SPON1: variants seen among roughly 807,000 people sequenced by gnomAD.
SPON1 encodes the protein spondin-1.
A neutral mutation model predicts 111.7 loss-of-function variants in SPON1; 52 were observed. The ratio of observed to expected loss-of-function variants is 0.47; its 90% CI spans 0.37 to 0.59. The LOEUF is 0.59. Among genes scored for constraint, SPON1 ranks in the 20% least tolerant of loss-of-function variants. The probability of loss-of-function intolerance (pLI) is 0.00; values close to 1 mark genes in which losing one functional copy is unlikely to be tolerated. For missense variants in SPON1, 957 were observed against 1,068.5 expected (o/e 0.90, Z 1.46); for synonymous variants, 410 against 395.8 (o/e 1.04, Z -0.43).
At chr11:14,010,526 G>T (rs1848395937) in intron 2 of SPON1, among the ~76,000 whole-genome samples, 2 of 152,130 alleles carry the variant, frequency 1.3e-5, no homozygotes, top group East Asian at 1.9e-4. Context: ...GAATCAGGAA[G>T]GTTTAGATTT....
rs199972190 is a variant in SPON1, at chr11:14,008,138, T to TAAAAC, written c.345+25187_345+25188insAACAA. 5.3e-3 allele frequency among the ~76,000 whole-genome samples: 802 copies of TAAAAC among 152,282 alleles called. 9 individuals are homozygous for TAAAAC. The highest frequency in any genetic ancestry group is 0.018 in the African/African-American group (741 of 41,556). ...TATTGGAAAAATAAAAATTAAAAATTAATACAGATTTTAAAAATACAGTAT... is the reference window on the plus strand; with the variant it reads ...TATTGGAAAAATAAAAATTAAAAATTAAAACAATACAGATTTTAAAAATACAGTAT... On this transcript the variant is annotated intron_variant, in intron 2 of 15. Transcript: ENST00000576479.
intron 5 of SPON1, among the ~76,000 whole-genome samples, chr11:14,133,472 A>G (rs1462360206): frequency 3.9e-5 from 6 of 152,228 alleles, no homozygotes; most frequent in African/African-American, 1.4e-4. Context: ...AGTATTTTAT[A>G]AAGGAGGAAT....
At chr11:14,074,573 T>G (rs1242705151) in intron 3 of SPON1, among the ~76,000 whole-genome samples, 4 of 152,234 alleles carry the variant, frequency 2.6e-5, no homozygotes, top group Non-Finnish European at 4.4e-5. Flanking sequence ...TCGCATTGTC[T>G]CAGTTCTAAA....
intron 5 of SPON1, among the ~76,000 whole-genome samples, chr11:14,090,336 T>C (rs75761546): frequency 6.6e-6 from 1 of 151,910 alleles, no homozygotes; most frequent in Admixed American, 6.6e-5. Flanking sequence ...GCAAAAACTA[T>C]GGGAAAAGCG....
intron 6 of SPON1, among the ~76,000 whole-genome samples, chr11:14,178,540 C>CT (rs1848205481): frequency 1.3e-5 from 2 of 152,108 alleles, no homozygotes; most frequent in African/African-American, 4.8e-5. Flanking sequence ...ATCAGCCTGC[C>CT]TTTTTTTATT....
At chr11:14,024,081 G>A (rs1554915039) in intron 2 of SPON1, among the ~76,000 whole-genome samples, 2 of 151,932 alleles carry the variant, frequency 1.3e-5, no homozygotes, top group Non-Finnish European at 2.9e-5. Context: ...GGTATGGCTT[G>A]GCTGCTTCAG....
intron 1 of SPON1, among the ~76,000 whole-genome samples, chr11:13,974,553 T>G (rs1216504902): frequency 6.6e-6 from 1 of 152,166 alleles, no homozygotes; most frequent in African/African-American, 2.4e-5. Flanking sequence ...GGTAATTAGG[T>G]AGGGTAAGTG....
In SPON1 at chr11:14,259,396, G is replaced by A. The variant is rs782639413; in HGVS notation, c.1609G>A (p.Val537Met). The A allele has an allele frequency of 4.3e-6, 7 of 1,611,158 alleles. No homozygotes were observed. Among genetic ancestry groups the A allele is most frequent in the East Asian group, 4.5e-5 (2 of 44,820 alleles). Residue 537 changes from valine (V) to methionine (M), a missense_variant, in exon 12 of 16, where the codon GTG becomes ATG. Val to Met is a conservative substitution (Grantham distance 21). Transcript: ENST00000576479. This position sits in a 1 kb window ranked among gnomAD's most constrained non-coding sequence, Gnocchi z 5.0. ...GAAGCAGTTCCCGGAGGACGGCTCC[G>A]TGTGCACGCTGCCCACTGAGGAAAC... is the stretch of plus-strand genomic sequence containing the variant. ...YVKQFPEDGS[V>M]CTLPTEETEK...
intron 6 of SPON1, among the ~76,000 whole-genome samples, chr11:14,196,151 T>C (rs941571283): frequency 2.6e-5 from 4 of 152,200 alleles, no homozygotes; most frequent in Non-Finnish European, 5.9e-5. Flanking sequence ...GGATAGGCGA[T>C]GTGTCCTCTA....
chr11:13,990,592 G>A (rs1224718529), intron 2 of SPON1, among the ~76,000 whole-genome samples: 1 of 151,666 alleles, frequency 6.6e-6, no homozygotes, highest in Non-Finnish European at 1.5e-5. Context: ...ATATTATTAT[G>A]TGTCAATTTG....
intron 2 of SPON1, among the ~76,000 whole-genome samples, chr11:13,999,915 GAAGT>G (rs1848303234): frequency 6.6e-6 from 1 of 152,124 alleles, no homozygotes; most frequent in Non-Finnish European, 1.5e-5. Flanking sequence ...TTGGCTGGAG[GAAGT>G]AAGTTTGGCT....
In SPON1 at chr11:14,107,590, G is replaced by GAA. The variant is rs3047369; in HGVS notation, c.676+27589_676+27590dup. ...TGTATTCTGAAGGCAAGATCCTCAG[G>GAA]AAAAAAAAAAAAAAAAAAAAATGAA... On this transcript the variant is annotated intron_variant, in intron 5 of 15. Transcript: ENST00000576479. 5.9e-3 allele frequency among the ~76,000 whole-genome samples: 709 copies of GAA among 119,222 alleles called. 4 individuals are homozygous for GAA. Among genetic ancestry groups the GAA allele is most frequent in the African/African-American group, 0.021 (662 of 31,878 alleles). The allele number at this position is 119,222 out of a possible 152,430, so 78.2% of individuals were successfully genotyped here.
chr11:14,092,803 C>A (rs1849070026), intron 5 of SPON1, among the ~76,000 whole-genome samples: 1 of 152,030 alleles, frequency 6.6e-6, no homozygotes, highest in African/African-American at 2.4e-5. Flanking sequence ...GTTTTACTTC[C>A]TAATTTTACA....
At chr11:14,232,566 A>G (rs1402678693) in intron 6 of SPON1, among the ~76,000 whole-genome samples, 3 of 152,248 alleles carry the variant, frequency 2.0e-5, no homozygotes, top group African/African-American at 7.2e-5. Context: ...CAACTCTGGA[A>G]GACCACTCCT....
At chr11:14,128,745 C>T (rs1206017392) in intron 5 of SPON1, among the ~76,000 whole-genome samples, 1 of 152,214 alleles carries the variant, frequency 6.6e-6, no homozygotes, top group Admixed American at 6.5e-5. Context: ...GGGCTCTGCC[C>T]CTGCAGCAGG....
chr11:14,071,599 G>GAAT (rs1591367624), intron 3 of SPON1, among the ~76,000 whole-genome samples: 1 of 152,162 alleles, frequency 6.6e-6, no homozygotes, highest in East Asian at 1.9e-4. Context: ...ATTGGTAGTA[G>GAAT]AATGATACTA....
At chr11:14,140,593 C>T (rs1847642629) in intron 6 of SPON1, among the ~76,000 whole-genome samples, 1 of 152,218 alleles carries the variant, frequency 6.6e-6, no homozygotes, top group African/African-American at 2.4e-5. Context: ...CGGGGTTTTA[C>T]CATGCTGGTC....
In SPON1 at chr11:14,119,987, A is replaced by G. The variant is rs372522201; in HGVS notation, c.677-15433A>G. ...CAGTGGCCACATATGAGAAGTGGCT[A>G]CCATATTGGACAGTGAAGTATAGTA... On this transcript the variant is annotated intron_variant, in intron 5 of 15. Coordinates refer to ENST00000576479, the MANE Select transcript of SPON1 (RefSeq NM_006108.4). Among the ~76,000 whole-genome samples the G allele has an allele frequency of 4.6e-5, 7 of 152,290 alleles. No homozygotes were observed. The East Asian group carries it at 9.7e-4, about 21-fold the overall frequency.
chr11:14,084,503 A>G (rs1441412938), intron 5 of SPON1, among the ~76,000 whole-genome samples: 1 of 152,210 alleles, frequency 6.6e-6, no homozygotes, highest in African/African-American at 2.4e-5. Context: ...GCTGCATAGT[A>G]TTCCATGGTG....
Sources: gnomAD v4.1 joint callset for allele counts (sites outside exome capture counted in the v4.1 genomes callset) on GRCh38, gnomAD v4.1.1 for gene constraint, Gnocchi (gnomAD v3.1) non-coding constraint, MANE v1.5 for transcripts, NCBI Gene and HGNC (gene_info 2026-07-23, HGNC 2026-07-21) for gene names.